ABCG2: variants seen among roughly 807,000 people sequenced by gnomAD.
ABCG2 encodes broad substrate specificity ATP-binding cassette transporter ABCG2.
Under a neutral mutation model 73.5 loss-of-function variants are expected in ABCG2, and 80 were observed. That is an observed-to-expected ratio of 1.09 (90% CI 0.91 to 1.31). The LOEUF is 1.31. Among genes scored for constraint, ABCG2 ranks in the 50% most tolerant of loss-of-function variants. The pLI, the probability that ABCG2 is intolerant of heterozygous loss-of-function variation, is 0.00. For missense variants in ABCG2, 796 were observed against 786.2 expected, an observed-to-expected ratio of 1.01 and a Z score of -0.15; for synonymous variants, 269 against 282.4, an observed-to-expected ratio of 0.95 and a Z score of 0.48.
At chr4:88,204,150 G>A (rs538223697) in intron 1 of ABCG2, among the ~76,000 whole-genome samples, 6 of 152,156 alleles carry the variant, frequency 3.9e-5, no homozygotes, top group Non-Finnish European at 8.8e-5. Flanking sequence ...GGCCGGGCTT[G>A]GTGGCTCATG....
chr4:88,221,053 G>A (rs959103375), intron 1 of ABCG2, among the ~76,000 whole-genome samples: 3 of 152,302 alleles, frequency 2.0e-5, no homozygotes, highest in Admixed American at 2.0e-4. Context: ...CGGATCACTT[G>A]AGGTCAGGAG....
chr4:88,148,574 T>C (rs940819902), intron 1 of ABCG2, among the ~76,000 whole-genome samples: 1 of 152,174 alleles, frequency 6.6e-6, no homozygotes, highest in African/African-American at 2.4e-5. Flanking sequence ...ATCCTGATCC[T>C]ACAAGATTTT....
intron 12 of ABCG2, among the ~76,000 whole-genome samples, 174 bp downstream of exon 12, chr4:88,099,149 CA>C (rs1166440611): frequency 1.3e-5 from 2 of 152,208 alleles, no homozygotes; most frequent in East Asian, 1.9e-4. Context: ...ACAGTCTTGA[CA>C]AAAATAGCTG....
At chr4:88,139,735 T>C in intron 2 of ABCG2, 58 bp downstream of exon 2, 2 of 1,492,244 alleles carry the variant, frequency 1.3e-6, no homozygotes, top group Non-Finnish European at 1.8e-6. Context: ...AGCCAAAACC[T>C]GTGAGGTTCA....
chr4:88,147,007 GAA>G (rs1300029261), intron 1 of ABCG2, among the ~76,000 whole-genome samples: 2 of 106,376 alleles, frequency 1.9e-5, no homozygotes, highest in East Asian at 4.9e-4. Flanking sequence ...AGAAGAAAGA[GAA>G]AGAAAAGGAA....
At chr4:88,170,497 C>T (rs924103189) in intron 1 of ABCG2, among the ~76,000 whole-genome samples, 1 of 152,228 alleles carries the variant, frequency 6.6e-6, no homozygotes, top group African/African-American at 2.4e-5. Flanking sequence ...TGATTTGTAA[C>T]TTGGATGAGC....
chr4:88,143,450 C>T (rs3109823), intron 1 of ABCG2, among the ~76,000 whole-genome samples: 99,415 of 151,964 alleles, frequency 0.65, 33,945 homozygotes, highest in East Asian at 0.81. Context: ...TGACTCAAGA[C>T]GGAAATTTTA....
chr4:88,167,700 T>C (rs1406246674), intron 1 of ABCG2, among the ~76,000 whole-genome samples: 1 of 152,134 alleles, frequency 6.6e-6, no homozygotes, highest in East Asian at 1.9e-4. Flanking sequence ...AAAGGGCTTA[T>C]GTGATTAAAT....
At chr4:88,183,599 A>G (rs6821239) in intron 1 of ABCG2, among the ~76,000 whole-genome samples, 127,967 of 152,136 alleles carry the variant, frequency 0.84, 53,994 homozygotes, top group East Asian at 1. Flanking sequence ...AGAAAAGCTC[A>G]GAACCCAATG....
chr4:88,204,370 G>A (rs777167065), intron 1 of ABCG2, among the ~76,000 whole-genome samples: 34 of 152,144 alleles, frequency 2.2e-4, no homozygotes, highest in Admixed American at 8.5e-4. Context: ...GCAGTGAGCC[G>A]AGATCGTGCC....
chr4:88,210,247 G>A (rs1266428855), intron 1 of ABCG2, among the ~76,000 whole-genome samples: 2 of 151,970 alleles, frequency 1.3e-5, no homozygotes, highest in South Asian at 2.1e-4. Flanking sequence ...TTAAGACAGT[G>A]CCTCTCTATG....
Position 88,095,473 on chromosome 4 carries a change from T to C in ABCG2, c.1737+47A>G, listed in dbSNP as rs376692376. On this transcript the variant is annotated intron_variant, in intron 14 of 15. Coordinates refer to ENST00000237612, the MANE Select transcript of ABCG2 (RefSeq NM_004827.3). ...AGATGAGGACACTTGATTTCCATTGTTCCTAGCTTGGGAATGCAGTCACAG... is the reference window on the plus strand; with the variant it reads ...AGATGAGGACACTTGATTTCCATTGCTCCTAGCTTGGGAATGCAGTCACAG... 2.8e-5 allele frequency: 43 copies of C among 1,522,664 alleles called. No homozygotes were observed. The African/African-American group carries it at 4.9e-4, about 17-fold the overall frequency. The allele number at this position is 1,522,664 out of a possible 1,614,324, so 94.3% of individuals were successfully genotyped here.
chr4:88,145,843 G>A (rs1439425056), intron 1 of ABCG2, among the ~76,000 whole-genome samples: 1 of 152,184 alleles, frequency 6.6e-6, no homozygotes, highest in East Asian at 1.9e-4. Flanking sequence ...GGGACGGCAG[G>A]AGAATCGCTT....
At chr4:88,194,279 T>G (rs1457684638) in intron 1 of ABCG2, among the ~76,000 whole-genome samples, 4 of 151,436 alleles carry the variant, frequency 2.6e-5, no homozygotes, top group Middle Eastern at 7.1e-3. Flanking sequence ...GGCCGGGCAC[T>G]GTGGCTCACG....
chr4:88,190,602 G>C (rs1728649084), intron 1 of ABCG2, among the ~76,000 whole-genome samples: 1 of 152,104 alleles, frequency 6.6e-6, no homozygotes, highest in South Asian at 2.1e-4. Context: ...ATAAGCCAAG[G>C]TTACTAAGTA....
chr4:88,152,471 A>AGGTAAAG, intron 1 of ABCG2, among the ~76,000 whole-genome samples: 1 of 152,006 alleles, frequency 6.6e-6, no homozygotes, highest in East Asian at 1.9e-4. Flanking sequence ...AGATTTGGGT[A>AGGTAAAG]GGTAAAGGGT....
At chr4:88,222,070 T>C (rs961656669) in intron 1 of ABCG2, among the ~76,000 whole-genome samples, 1 of 152,190 alleles carries the variant, frequency 6.6e-6, no homozygotes, top group East Asian at 1.9e-4. Flanking sequence ...TGGGACTTGG[T>C]GCCCTGCATC....
chr4:88,148,260 CA>C (rs1167472920), intron 1 of ABCG2, among the ~76,000 whole-genome samples: 1 of 152,032 alleles, frequency 6.6e-6, no homozygotes, highest in Admixed American at 6.6e-5. Flanking sequence ...TATATGCACC[CA>C]AAGGGACCAC....
intron 5 of ABCG2, among the ~76,000 whole-genome samples, chr4:88,125,845 G>GACAC (rs1724373098): frequency 2.0e-5 from 3 of 151,868 alleles, no homozygotes; most frequent in African/African-American, 7.3e-5. Context: ...ATGTAAAATC[G>GACAC]ACACCCTAAC....
Sources: gnomAD v4.1 joint callset for allele counts (sites outside exome capture counted in the v4.1 genomes callset) on GRCh38, gnomAD v4.1.1 for gene constraint, MANE v1.5 for transcripts, NCBI Gene and HGNC (gene_info 2026-07-23, HGNC 2026-07-21) for gene names.